Variants in TMC2 observed in about 807,000 individuals in gnomAD.
The protein encoded by TMC2 is transmembrane channel-like protein 2.
In TMC2, 102 loss-of-function variants were observed where a neutral mutation model predicts 105.9. That is an observed-to-expected ratio of 0.96 (90% CI 0.82 to 1.14). The LOEUF (loss-of-function observed/expected upper bound fraction) is 1.14, where lower values mean the gene tolerates loss of function less well. Ranked by LOEUF, TMC2 falls within the 50% of genes most tolerant of loss-of-function variation. The pLI, the probability that TMC2 is intolerant of heterozygous loss-of-function variation, is 0.00. For synonymous variants in TMC2, 402 were observed against 422.8 expected (o/e 0.95, Z 0.60); for missense variants, 1,093 against 1,134.3 (o/e 0.96, Z 0.52).
chr20:2,594,247 A>C (rs1171038763), intron 8 of TMC2, among the ~76,000 whole-genome samples: 4 of 62,388 alleles, frequency 6.4e-5, no homozygotes, highest in Non-Finnish European at 1.3e-4. Flanking sequence ...TTTTTTTTTG[A>C]GACAGAGTCT....
chr20:2,613,220 C>T lies in TMC2; in HGVS notation c.1770C>T (p.Asp590=), dbSNP rs749932878. 2.5e-6 allele frequency: 4 copies of T among 1,613,912 alleles called. No individual in the cohort carries two copies. The highest frequency in any genetic ancestry group is 2.2e-5 in the South Asian group (2 of 91,070). The change falls in exon 14 of 20, where the codon GAC becomes GAT. Residue 590 remains aspartate, a synonymous_variant. Coordinates refer to ENST00000358864, the MANE Select transcript of TMC2 (RefSeq NM_080751.3). The part of the protein sequence containing the change: ...GIEFMRLTVS[D]MLVTYITILL... ...AATTCATGAGGCTGACGGTGTCTGACATGCTGGTAACGTACATCACCATCC... is the reference window on the plus strand; with the variant it reads ...AATTCATGAGGCTGACGGTGTCTGATATGCTGGTAACGTACATCACCATCC...
chr20:2,547,808 C>CTTAA (rs2085933921), intron 2 of TMC2, among the ~76,000 whole-genome samples: 2 of 152,116 alleles, frequency 1.3e-5, no homozygotes, highest in Non-Finnish European at 2.9e-5. Context: ...CACTAAGAAC[C>CTTAA]TTAACTCTTT....
At chr20:2,565,542 A>G (rs777703043) in intron 4 of TMC2, among the ~76,000 whole-genome samples, 108 of 152,238 alleles carry the variant, frequency 7.1e-4, no homozygotes, top group Non-Finnish European at 1.3e-3. Flanking sequence ...TTAATTTGTA[A>G]TCGTCTCTCC....
In TMC2 at chr20:2,582,792, C is replaced by T. The variant is rs143713096; in HGVS notation, c.834+2736C>T. Among the ~76,000 whole-genome samples the T allele has an allele frequency of 5.3e-5, 8 of 152,266 alleles. No homozygotes were observed. In the East Asian group the frequency reaches 5.8e-4, roughly 11 times the overall value. ...TCCCTGGCCTTGAACGCAACTTTAACGAAACTTCTCCTTATATTCATTTTC... is the reference window on the plus strand; with the variant it reads ...TCCCTGGCCTTGAACGCAACTTTAATGAAACTTCTCCTTATATTCATTTTC... On this transcript the variant is annotated intron_variant, in intron 7 of 19. Transcript: ENST00000358864.
At chr20:2,548,467 C>T (rs111339706) in intron 2 of TMC2, among the ~76,000 whole-genome samples, 2,293 of 151,868 alleles carry the variant, frequency 0.015, 63 homozygotes, top group African/African-American at 0.052. Context: ...GGAGAAACCC[C>T]GTCTCTACTA....
Position 2,592,912 on chromosome 20 carries a change from C to T in TMC2, c.933+504C>T, listed in dbSNP as rs1250047596. On this transcript the variant is annotated intron_variant, in intron 8 of 19. Transcript: ENST00000358864. The surrounding 1 kb of genome is among the most constrained non-coding windows in gnomAD (Gnocchi z 4.9). Reference sequence around the variant, plus strand: ...AAATCATCCCACGCTTCTACCTCTTCCTCACCAACCACCCGCCACTGCCAT... The same window carrying T: ...AAATCATCCCACGCTTCTACCTCTTTCTCACCAACCACCCGCCACTGCCAT... Among the ~76,000 whole-genome samples the T allele has an allele frequency of 6.6e-6, 1 of 152,202 alleles. No individual in the cohort carries two copies. Among genetic ancestry groups the T allele is most frequent in the African/African-American group, 2.4e-5 (1 of 41,452 alleles).
intron 2 of TMC2, among the ~76,000 whole-genome samples, chr20:2,553,607 C>T (rs1453878138): frequency 6.6e-6 from 1 of 152,088 alleles, no homozygotes; most frequent in Non-Finnish European, 1.5e-5. Context: ...GTTCCGTTTG[C>T]TTCTATTTTC....
At chr20:2,578,869 T>C (rs1400955931) in intron 5 of TMC2, among the ~76,000 whole-genome samples, 2 of 152,250 alleles carry the variant, frequency 1.3e-5, no homozygotes, top group African/African-American at 4.8e-5. Flanking sequence ...TTTCTCACTT[T>C]ATCTACAAAC....
chr20:2,630,474 A>G (rs1184575485), intron 17 of TMC2, among the ~76,000 whole-genome samples: 3 of 152,136 alleles, frequency 2.0e-5, no homozygotes, highest in Non-Finnish European at 4.4e-5. Context: ...TTTTTGTCTT[A>G]ATGTGTTTCC....
intron 19 of TMC2, among the ~76,000 whole-genome samples, chr20:2,640,573 T>C (rs1161838406): frequency 6.6e-6 from 1 of 152,000 alleles, no homozygotes; most frequent in East Asian, 1.9e-4. Flanking sequence ...GGGAAGAGCT[T>C]AGGGGACACA....
At position 2,582,634 on chromosome 20, in the gene TMC2, C is replaced by G. The variant is rs140432364; in HGVS notation, c.834+2578C>G. On this transcript the variant is annotated intron_variant, in intron 7 of 19. Transcript: ENST00000358864. ...GGGATTACAGGCACGCACCACCAGA[C>G]CCGGCTAGTTTTTGTATTTTTAGTA... 2.8e-3 allele frequency among the ~76,000 whole-genome samples: 426 copies of G among 152,192 alleles called. 2 individuals carry two copies. Among genetic ancestry groups the G allele is most frequent in the Non-Finnish European group, 5.1e-3 (348 of 68,010 alleles).
At chr20:2,587,156 A>G (rs1434481334) in intron 7 of TMC2, among the ~76,000 whole-genome samples, 2 of 152,166 alleles carry the variant, frequency 1.3e-5, no homozygotes, top group Non-Finnish European at 2.9e-5. Context: ...CTATAATCTT[A>G]CTAATTTTAG....
intron 4 of TMC2, among the ~76,000 whole-genome samples, chr20:2,565,415 G>A (rs2086056720): frequency 6.6e-6 from 1 of 152,176 alleles, no homozygotes; most frequent in Admixed American, 6.5e-5. Flanking sequence ...GTTTGTTGTA[G>A]TTGTTGTTTT....
intron 11 of TMC2, 128 bp downstream of exon 11, chr20:2,602,429 C>T: frequency 3.0e-6 from 2 of 663,110 alleles, no homozygotes; most frequent in South Asian, 3.2e-5. Context: ...AATTACATCC[C>T]CTTCCAGTCA....
At chr20:2,633,052 A>G (rs1307521214) in intron 17 of TMC2, among the ~76,000 whole-genome samples, 2 of 152,206 alleles carry the variant, frequency 1.3e-5, no homozygotes, top group African/African-American at 4.8e-5. Context: ...CTAATTATGT[A>G]AAGTCTGTTT....
At chr20:2,639,563 T>C (rs2086673724) in intron 19 of TMC2, among the ~76,000 whole-genome samples, 1 of 152,240 alleles carries the variant, frequency 6.6e-6, no homozygotes, top group Admixed American at 6.5e-5. Context: ...AAGTACATTC[T>C]ATGATGGTCA....
chr20:2,597,983 C>A (rs1290245928), intron 10 of TMC2, among the ~76,000 whole-genome samples: 1 of 152,124 alleles, frequency 6.6e-6, no homozygotes, highest in African/African-American at 2.4e-5. Flanking sequence ...CTAACAGAGA[C>A]TCTGATATAA....
At chr20:2,573,037 C>T (rs981149989) in intron 5 of TMC2, among the ~76,000 whole-genome samples, 1 of 147,686 alleles carries the variant, frequency 6.8e-6, no homozygotes. Context: ...CTCACTGCAG[C>T]CTTGAACTCC....
At chr20:2,546,732 ACT>A (rs1408580117) in intron 2 of TMC2, among the ~76,000 whole-genome samples, 2 of 152,106 alleles carry the variant, frequency 1.3e-5, no homozygotes, top group African/African-American at 4.8e-5. Flanking sequence ...GAAGACAAAA[ACT>A]CTGGAGAGTT....
Sources: allele counts gnomAD v4.1 joint callset (sites outside exome capture counted in the v4.1 genomes callset), GRCh38; gene constraint gnomAD v4.1.1; non-coding constraint Gnocchi (gnomAD v3.1); transcripts MANE v1.5; gene names NCBI Gene and HGNC (gene_info 2026-07-23, HGNC 2026-07-21).